PIP4K2A: variants seen among roughly 807,000 people sequenced by gnomAD.
PIP4K2A encodes phosphatidylinositol 5-phosphate 4-kinase type-2 alpha.
Under a neutral mutation model 42.9 loss-of-function variants are expected in PIP4K2A, and 14 were observed. The ratio of observed to expected loss-of-function variants is 0.33; its 90% CI spans 0.22 to 0.51. The LOEUF (loss-of-function observed/expected upper bound fraction) is 0.51. Ranked by LOEUF, PIP4K2A falls within the 20% of genes least tolerant of loss-of-function variation. The pLI is 0.97. For synonymous variants in PIP4K2A, 192 were observed against 192.2 expected, an observed-to-expected ratio of 1.00 and a Z score of 0.01; for missense variants, 434 against 519.8, an observed-to-expected ratio of 0.83 and a Z score of 1.61.
intron 1 of PIP4K2A, among the ~76,000 whole-genome samples, chr10:22,620,286 A>G (rs1221418900): frequency 1.3e-5 from 2 of 152,258 alleles, no homozygotes; most frequent in African/African-American, 4.8e-5. Context: ...TACTGAATTC[A>G]GGCCAAAAAT....
intron 1 of PIP4K2A, among the ~76,000 whole-genome samples, chr10:22,637,894 T>C (rs1228039524): frequency 2.0e-5 from 3 of 152,244 alleles, no homozygotes; most frequent in African/African-American, 7.2e-5. Context: ...AACAGATTTT[T>C]CAGAGTCACA....
At chr10:22,643,853 C>T (rs2130797476) in intron 1 of PIP4K2A, among the ~76,000 whole-genome samples, 1 of 152,202 alleles carries the variant, frequency 6.6e-6, no homozygotes, top group Non-Finnish European at 1.5e-5. Flanking sequence ...CCCTCTGAAG[C>T]ACCTACCATC....
intron 3 of PIP4K2A, among the ~76,000 whole-genome samples, chr10:22,594,246 C>G (rs1414725704): frequency 6.6e-6 from 1 of 152,198 alleles, no homozygotes. Flanking sequence ...CTTACCGGCA[C>G]TCATGCCTTT....
At chr10:22,674,540 T>C (rs931286099) in intron 1 of PIP4K2A, among the ~76,000 whole-genome samples, 10 of 152,124 alleles carry the variant, frequency 6.6e-5, no homozygotes, top group Non-Finnish European at 1.5e-4. Context: ...CCAGTCACTA[T>C]GTTAGGTGTA....
At chr10:22,682,873 A>G (rs1174718197) in intron 1 of PIP4K2A, among the ~76,000 whole-genome samples, 3 of 152,200 alleles carry the variant, frequency 2.0e-5, no homozygotes, top group Non-Finnish European at 2.9e-5. Context: ...CAGATGGTCC[A>G]GTCATCTTTA....
intron 1 of PIP4K2A, chr10:22,691,477 T>A (rs1226228048): frequency 6.6e-6 from 1 of 152,256 alleles, no homozygotes; most frequent in Non-Finnish European, 1.5e-5. Flanking sequence ...GACTTGTTTT[T>A]GCTTTTGTTT....
intron 1 of PIP4K2A, 144 bp downstream of exon 1, chr10:22,714,039 G>A: frequency 1.2e-6 from 1 of 814,964 alleles, no homozygotes; most frequent in Non-Finnish European, 1.9e-6. Context: ...CCGCGGGGCT[G>A]GGGGCTTCGA....
Position 22,536,112 on chromosome 10 carries a change from CTG to C in PIP4K2A, c.*1087_*1088del. ...TTTCCTAATAATGTAAACAGTAAAA[CTG>C]AGGGTTTCAGTTAAAGGGATAATTC... On this transcript the variant is annotated 3_prime_UTR_variant, in exon 10 of 10. Transcript: ENST00000376573. The C allele has an allele frequency of 2.5e-6, 1 of 398,486 alleles. No homozygotes were observed. The highest frequency in any genetic ancestry group is 3.6e-5 in the East Asian group (1 of 28,058). The allele number at this position is 398,486 out of a possible 1,614,324, so 24.7% of individuals were successfully genotyped here.
chr10:22,554,820 G>T (rs922508807), intron 6 of PIP4K2A, among the ~76,000 whole-genome samples: 6 of 152,240 alleles, frequency 3.9e-5, no homozygotes, highest in African/African-American at 1.4e-4. Flanking sequence ...CCTCCTCTGT[G>T]CGTCTAGTCC....
intron 4 of PIP4K2A, 28 bp from the exon 5 acceptor site, chr10:22,573,485 A>G (rs760086351): frequency 6.3e-7 from 1 of 1,588,352 alleles, no homozygotes; most frequent in Admixed American, 1.8e-5. Context: ...AAAAAGGAAA[A>G]AAACATCCAA....
intron 1 of PIP4K2A, among the ~76,000 whole-genome samples, chr10:22,658,503 A>G (rs1839144221): frequency 6.6e-6 from 1 of 152,276 alleles, no homozygotes; most frequent in Non-Finnish European, 1.5e-5. Flanking sequence ...TAAAGCAGGA[A>G]GGATAATAGG....
chr10:22,577,168 T>C (rs909603053), intron 4 of PIP4K2A, among the ~76,000 whole-genome samples: 39 of 152,094 alleles, frequency 2.6e-4, no homozygotes, highest in African/African-American at 8.9e-4. Context: ...TGAGCGGTGC[T>C]GACTTTGCAT....
intron 1 of PIP4K2A, among the ~76,000 whole-genome samples, chr10:22,664,259 A>G (rs1839306750): frequency 7.1e-6 from 1 of 141,128 alleles, no homozygotes; most frequent in Non-Finnish European, 1.5e-5. Flanking sequence ...ACATATATAT[A>G]TACACACACA....
chr10:22,661,891 C>T (rs144253363), intron 1 of PIP4K2A: 1 of 152,164 alleles, frequency 6.6e-6, no homozygotes, highest in Non-Finnish European at 1.5e-5. Flanking sequence ...AATTAGAAAA[C>T]AAGTCTCAGT....
chr10:22,624,845 CA>C lies in PIP4K2A; in HGVS notation c.145-15129del, dbSNP rs549755719. ...TTCCACTGTTTTGTTATCTTTTTGCCAAAAACAATGAAACTGTGTCACCTAT... is the reference window on the plus strand; with the variant it reads ...TTCCACTGTTTTGTTATCTTTTTGCCAAAACAATGAAACTGTGTCACCTAT... On this transcript the variant is annotated intron_variant, in intron 1 of 9. Coordinates refer to ENST00000376573, the MANE Select transcript of PIP4K2A (RefSeq NM_005028.5). Among the ~76,000 whole-genome samples the C allele has an allele frequency of 7.2e-5, 11 of 152,158 alleles. No individual in the cohort carries two copies. In the East Asian group the frequency reaches 1.9e-3, roughly 27 times the overall value.
At chr10:22,574,165 C>T (rs1837056151) in intron 4 of PIP4K2A, among the ~76,000 whole-genome samples, 1 of 135,814 alleles carries the variant, frequency 7.4e-6, no homozygotes, top group Non-Finnish European at 1.6e-5. Flanking sequence ...CAAGATGGAG[C>T]CACTTCTCCC....
intron 1 of PIP4K2A, among the ~76,000 whole-genome samples, chr10:22,692,205 A>C (rs1172937077): frequency 6.6e-6 from 1 of 151,944 alleles, no homozygotes; most frequent in East Asian, 1.9e-4. Flanking sequence ...GATTTTCATA[A>C]GGAGTGAGTA....
intron 4 of PIP4K2A, among the ~76,000 whole-genome samples, chr10:22,581,101 G>A (rs892232148): frequency 1.3e-5 from 2 of 152,214 alleles, no homozygotes; most frequent in South Asian, 4.1e-4. Context: ...CAGGCAGCAT[G>A]AACACAATAC....
rs138139441 is a variant in PIP4K2A, at chr10:22,556,197, C to G, written c.679-5425G>C. On this transcript the variant is annotated intron_variant, in intron 6 of 9. Coordinates refer to ENST00000376573, the MANE Select transcript of PIP4K2A (RefSeq NM_005028.5). ...ATTTCATTTCACTACACAGGACCCA[C>G]GGGGAACACAGAGGGCACATGAGAC... Among the ~76,000 whole-genome samples, 327 of 152,240 alleles carry G rather than the reference C, an allele frequency of 2.1e-3. 2 individuals are homozygous for G. The highest frequency in any genetic ancestry group is 6.9e-3 in the African/African-American group (288 of 41,530).
Sources: gnomAD v4.1 joint callset for allele counts (sites outside exome capture counted in the v4.1 genomes callset) on GRCh38, gnomAD v4.1.1 for gene constraint, MANE v1.5 for transcripts, NCBI Gene and HGNC (gene_info 2026-07-23, HGNC 2026-07-21) for gene names.